Variants in ELAVL1 observed in about 807,000 individuals in gnomAD.
ELAVL1 encodes ELAV like RNA binding protein 1, also known as ELAV-like protein 1.
In ELAVL1, 1 loss-of-function variant was observed where a neutral mutation model predicts 28.4. The observed-to-expected ratio is 0.04, with a 90% CI of 0.01 to 0.17. ELAVL1 has a LOEUF of 0.17. Among genes scored for constraint, ELAVL1 ranks in the 10% least tolerant of loss-of-function variants. The pLI is 1.00. For missense variants in ELAVL1, 157 were observed against 447.2 expected (o/e 0.35, Z 5.85); for synonymous variants, 174 against 183.5 (o/e 0.95, Z 0.42).
intron 2 of ELAVL1, among the ~76,000 whole-genome samples, chr19:7,987,423 C>A (rs1985636437): frequency 6.6e-6 from 1 of 152,162 alleles, no homozygotes; most frequent in Non-Finnish European, 1.5e-5. Context: ...GCGGGCAGGA[C>A]CACCGGGCGC....
chr19:7,966,448 A>T (rs554249797), intron 5 of ELAVL1, among the ~76,000 whole-genome samples: 3 of 152,336 alleles, frequency 2.0e-5, no homozygotes, highest in Non-Finnish European at 4.4e-5. Context: ...CAGGGCTTAT[A>T]AACAGAATGC....
In ELAVL1 at chr19:7,963,755, G is replaced by C. The variant is rs1468733287; in HGVS notation, c.709C>G (p.Pro237Ala). ...CACCAGCCGGAGGAGGCGTTTCCTG[G>C]CACGTTGACGCCAGAGAGCCCGCTC... ...HMSGLSGVNV[P>A]GNASSGWCIF... Residue 237 changes from proline (P) to alanine (A), a missense_variant, in exon 6 of 6, where the codon CCA becomes GCA. Transcript: ENST00000407627. The surrounding 1 kb of genome is among the most constrained non-coding windows in gnomAD (Gnocchi z 4.5). The C allele has an allele frequency of 6.2e-7, 1 of 1,614,270 alleles. No individual in the cohort carries two copies. The highest frequency in any genetic ancestry group is 1.3e-5 in the African/African-American group (1 of 75,074).
At chr19:7,973,609 C>T in intron 4 of ELAVL1, 116 bp downstream of exon 4, 1 of 1,314,992 alleles carries the variant, frequency 7.6e-7, no homozygotes, top group South Asian at 1.4e-5. Context: ...TTGGTGCTGT[C>T]CTCGTTTGCG....
intron 4 of ELAVL1, chr19:7,973,521 C>T (rs1207496023): frequency 4.2e-5 from 28 of 663,964 alleles, no homozygotes; most frequent in South Asian, 4.1e-4. Flanking sequence ...TGAGCCACCA[C>T]GCCCAGATAT....
At chr19:8,001,820 T>TCTTTCCTTTCC (rs1442478684) in intron 1 of ELAVL1, among the ~76,000 whole-genome samples, 1 of 152,070 alleles carries the variant, frequency 6.6e-6, no homozygotes, top group Non-Finnish European at 1.5e-5. Context: ...AGTCTGCCAA[T>TCTTTCCTTTCC]CTTTCCTTTC....
chr19:7,963,341 G>T lies in ELAVL1; in HGVS notation c.*142C>A. On this transcript the variant is annotated 3_prime_UTR_variant, in exon 6 of 6. Transcript: ENST00000407627. This position sits in a 1 kb window ranked among gnomAD's most constrained non-coding sequence, Gnocchi z 4.5. ...TTGAACATGTCGGTTGCATCCCAGA[G>T]TATAAAAACCTTCTCACTTCTCATT... is the stretch of plus-strand genomic sequence containing the variant. 1.1e-6 allele frequency: 1 copy of T among 948,858 alleles called. No individual in the cohort carries two copies. Among genetic ancestry groups the T allele is most frequent in the Non-Finnish European group, 1.5e-6 (1 of 646,322 alleles). 58.8% of individuals were successfully genotyped at this position (948,858 alleles called of 1,614,324 possible). A position where few individuals can be genotyped will look rare whatever the true frequency, so the allele number is the denominator to read the frequency against.
At chr19:7,993,934 T>C (rs765197512) in intron 1 of ELAVL1, among the ~76,000 whole-genome samples, 75 of 152,206 alleles carry the variant, frequency 4.9e-4, no homozygotes, top group Non-Finnish European at 9.4e-4. Flanking sequence ...TCTTTCTTCC[T>C]GGTAGAAACA....
chr19:7,969,208 AAAAG>A (rs1336189101), intron 4 of ELAVL1, among the ~76,000 whole-genome samples: 8 of 152,220 alleles, frequency 5.3e-5, no homozygotes, highest in Admixed American at 5.2e-4. Flanking sequence ...CTCTTAAGGA[AAAAG>A]AAAGACTTCC....
At position 7,979,419 on chromosome 19, in the gene ELAVL1, T is replaced by C; in HGVS notation, c.276+1664A>G. Among the ~76,000 whole-genome samples the C allele has an allele frequency of 6.6e-6, 1 of 152,212 alleles. No individual in the cohort carries two copies. The highest frequency in any genetic ancestry group is 1.5e-5 in the Non-Finnish European group (1 of 68,030). ...ATCCTAGAGAGGCAAGACAGTCCTG[T>C]TTACACACTGGGCACCCGGCTCCTG... On this transcript the variant is annotated intron_variant, in intron 3 of 5. Coordinates refer to ENST00000407627, the MANE Select transcript of ELAVL1 (RefSeq NM_001419.3). This position sits in a 1 kb window ranked among gnomAD's most constrained non-coding sequence, Gnocchi z 5.4.
rs191557871 is a variant in ELAVL1 at position 7,986,740 on chromosome 19, C to T, written c.172+4904G>A. Among the ~76,000 whole-genome samples the T allele has an allele frequency of 2.7e-3, 408 of 152,266 alleles. 7 individuals are homozygous for T. The highest frequency in any genetic ancestry group is 0.023 in the Admixed American group (357 of 15,302). On this transcript the variant is annotated intron_variant, in intron 2 of 5. Transcript: ENST00000407627. Reference sequence around the variant, plus strand: ...AACAAATGGGAAGCAGAATACTATGCGACCGATGATGATGGGATCGCGAGA... The same window carrying T: ...AACAAATGGGAAGCAGAATACTATGTGACCGATGATGATGGGATCGCGAGA...
intron 5 of ELAVL1, among the ~76,000 whole-genome samples, chr19:7,966,688 T>C (rs1253621859): frequency 1.3e-5 from 2 of 152,182 alleles, no homozygotes; most frequent in African/African-American, 4.8e-5. Flanking sequence ...GGTGCAATCA[T>C]AGTTCACTGC....
chr19:7,961,711 C>T lies in ELAVL1; in HGVS notation c.*1772G>A, dbSNP rs1984815232. 6.6e-6 allele frequency: 1 copy of T among 152,192 alleles called. No individual in the cohort carries two copies. The allele number at this position is 152,192 out of a possible 1,614,324, so 9.4% of individuals were successfully genotyped here. Reference sequence around the variant, plus strand: ...ATCATCAATTTGCAAGGATCGCGCACACAGCCCCTCAGTAAAAGATCAGGG... The same window carrying T: ...ATCATCAATTTGCAAGGATCGCGCATACAGCCCCTCAGTAAAAGATCAGGG... On this transcript the variant is annotated 3_prime_UTR_variant, in exon 6 of 6. Transcript: ENST00000407627.
At chr19:8,003,649 A>T (rs1199138609) in intron 1 of ELAVL1, among the ~76,000 whole-genome samples, 1 of 145,908 alleles carries the variant, frequency 6.9e-6, no homozygotes, top group African/African-American at 2.6e-5. Flanking sequence ...CCGAGATCGC[A>T]CCACTGCACT....
chr19:7,986,973 GT>G (rs1350373000), intron 2 of ELAVL1, among the ~76,000 whole-genome samples: 3 of 151,502 alleles, frequency 2.0e-5, no homozygotes, highest in Non-Finnish European at 4.4e-5. Flanking sequence ...TCATGCTTAA[GT>G]TTTTTTTTCT....
intron 4 of ELAVL1, 78 bp downstream of exon 4, chr19:7,973,647 C>T (rs766169881): frequency 1.1e-5 from 17 of 1,510,740 alleles, no homozygotes; most frequent in Middle Eastern, 1.8e-4. Context: ...TAAAATCAAA[C>T]GGTGATCTGC....
intron 1 of ELAVL1, chr19:8,002,126 C>T: frequency 7.8e-7 from 1 of 1,289,432 alleles, no homozygotes; most frequent in African/African-American, 1.5e-5. Flanking sequence ...TCTCAGCCTT[C>T]TTGTCCCTAA....
intron 1 of ELAVL1, among the ~76,000 whole-genome samples, chr19:8,004,565 C>A (rs567090725): frequency 6.6e-6 from 1 of 152,232 alleles, no homozygotes; most frequent in South Asian, 2.1e-4. Flanking sequence ...ACAGGGAAGC[C>A]CCCACTACCA....
chr19:7,983,706 C>CT (rs968447965), intron 2 of ELAVL1, among the ~76,000 whole-genome samples: 1 of 152,174 alleles, frequency 6.6e-6, no homozygotes, highest in African/African-American at 2.4e-5. Flanking sequence ...AAGTCACACA[C>CT]TGATAGGGAC....
At chr19:7,986,568 G>T (rs549445859) in intron 2 of ELAVL1, among the ~76,000 whole-genome samples, 3 of 152,210 alleles carry the variant, frequency 2.0e-5, no homozygotes, top group Non-Finnish European at 4.4e-5. Context: ...GCGTCCCCTA[G>T]AGAGCGAGTT....
Sources: allele counts gnomAD v4.1 joint callset (sites outside exome capture counted in the v4.1 genomes callset), GRCh38; gene constraint gnomAD v4.1.1; non-coding constraint Gnocchi (gnomAD v3.1); transcripts MANE v1.5; gene names NCBI Gene and HGNC (gene_info 2026-07-23, HGNC 2026-07-21).